Variants in ZNF761 observed in about 807,000 individuals in gnomAD.
ZNF761 encodes zinc finger protein 761.
ZNF761 carries 43 observed loss-of-function variants against 59.9 expected under a neutral mutation model. That is an observed-to-expected ratio of 0.72 (90% CI 0.56 to 0.92). ZNF761 has a LOEUF of 0.92. ZNF761 is among the 40% of genes least tolerant of loss of function. The pLI, the probability that ZNF761 is intolerant of heterozygous loss-of-function variation, is 0.00. For missense variants in ZNF761, 850 were observed against 906.1 expected (o/e 0.94, Z 0.79); for synonymous variants, 294 against 304.8 (o/e 0.96, Z 0.37).
chr19:53,448,775 A>ATTTTT (rs35551715), intron 3 of ZNF761, among the ~76,000 whole-genome samples: 5 of 125,090 alleles, frequency 4.0e-5, no homozygotes, highest in South Asian at 2.7e-4. Context: ...TGGCTAGCTA[A>ATTTTT]TTTTTTTTTT....
Position 53,447,264 on chromosome 19 carries a change from C to A in ZNF761, c.-5C>A. 1 of 1,613,026 alleles carries A rather than the reference C, an allele frequency of 6.2e-7. No individual in the cohort carries two copies. The highest frequency in any genetic ancestry group is 8.5e-7 in the Non-Finnish European group (1 of 1,179,572). On this transcript the variant is annotated 5_prime_UTR_variant, in exon 3 of 5. Transcript: ENST00000684525. ...AAGAGGAAGAGGAGAGCAAAGGAGT[C>A]AGGGATGGCTTTTTCTCAGGTGAGA...
intron 1 of ZNF761, chr19:53,444,186 A>C (rs770898664): frequency 2.6e-5 from 4 of 152,224 alleles, no homozygotes; most frequent in Non-Finnish European, 4.4e-5. Context: ...CCCCCAGCCC[A>C]ACACCCGTAA....
At chr19:53,448,203 A>G (rs1188967256) in intron 3 of ZNF761, among the ~76,000 whole-genome samples, 3 of 152,116 alleles carry the variant, frequency 2.0e-5, no homozygotes, top group Admixed American at 1.3e-4. Flanking sequence ...GGGTATCACC[A>G]TGTTGGCCAG....
At position 53,457,938 on chromosome 19, in the gene ZNF761, T is replaced by C. The variant is rs2086286108; in HGVS notation, c.*1190T>C. On this transcript the variant is annotated 3_prime_UTR_variant, in exon 5 of 5. Transcript: ENST00000684525. ...TCACAATATTAATTTTTCCAAGCTA[T>C]CAATATGGGTTGTAGCTCAATGTTT... 1 of 152,534 alleles carries C rather than the reference T, an allele frequency of 6.6e-6. No individual in the cohort carries two copies. The highest frequency in any genetic ancestry group is 1.5e-5 in the Non-Finnish European group (1 of 68,224). The allele number at this position is 152,534 out of a possible 1,614,324, so 9.4% of individuals were successfully genotyped here.
chr19:53,449,842 A>G (rs564605633), intron 4 of ZNF761: 10 of 1,253,246 alleles, frequency 8.0e-6, no homozygotes, highest in South Asian at 7.9e-5. Flanking sequence ...GCATGCCACC[A>G]TGTTTGGGCA....
In ZNF761 at chr19:53,457,943, A is replaced by G. The variant is rs1384440854; in HGVS notation, c.*1195A>G. The G allele has an allele frequency of 2.6e-5, 4 of 152,520 alleles. No individual in the cohort carries two copies. Among genetic ancestry groups the G allele is most frequent in the Non-Finnish European group, 2.9e-5 (2 of 68,222 alleles). The allele number at this position is 152,520 out of a possible 1,614,324, so 9.4% of individuals were successfully genotyped here. ...ATATTAATTTTTCCAAGCTATCAAT[A>G]TGGGTTGTAGCTCAATGTTTTTAAT... On this transcript the variant is annotated 3_prime_UTR_variant, in exon 5 of 5. Transcript: ENST00000684525.
Position 53,454,683 on chromosome 19 carries a change from T to G in ZNF761, c.176T>G (p.Leu59Trp), listed in dbSNP as rs201558114. Reference protein sequence around the residue: ...ISSKCTMKEFLSTAQGNREVF... With the variant: ...ISSKCTMKEFWSTAQGNREVF... Reference sequence around the variant, plus strand: ...TCCAAATGCACGATGAAGGAGTTCTTGTCAACAGCGCAAGGCAACAGAGAA... The same window carrying G: ...TCCAAATGCACGATGAAGGAGTTCTGGTCAACAGCGCAAGGCAACAGAGAA... Residue 59 changes from leucine to tryptophan, a missense_variant, in exon 5 of 5, where the codon TTG becomes TGG. Leu to Trp is a moderately conservative substitution (Grantham distance 61). Coordinates refer to ENST00000684525, the MANE Select transcript of ZNF761 (RefSeq NM_001289951.2). 1.9e-5 allele frequency: 31 copies of G among 1,605,672 alleles called. No individual in the cohort carries two copies. The highest frequency in any genetic ancestry group is 5.1e-5 in the Admixed American group (3 of 59,034).
Position 53,456,206 on chromosome 19 carries a change from C to T in ZNF761, c.1699C>T (p.Arg567Cys), listed in dbSNP as rs146971288. 2.8e-4 allele frequency: 445 copies of T among 1,606,960 alleles called. 2 individuals carry two copies. Among genetic ancestry groups the T allele is most frequent in the East Asian group, 7.2e-4 (32 of 44,346 alleles). ...KTFNQQLTLKRHRRLHSGENP... is the reference protein window; with the variant it reads ...KTFNQQLTLKCHRRLHSGENP... ...CTTCAATCAGCAGTTAACCCTTAAA[C>T]GCCATCGTAGACTTCATAGTGGAGA... is the stretch of plus-strand genomic sequence containing the variant. Residue 567 changes from arginine (R) to cysteine (C), a missense_variant, in exon 5 of 5, where the codon CGC becomes TGC. Transcript: ENST00000684525.
At chr19:53,451,189 C>A (rs1259527139) in intron 4 of ZNF761, among the ~76,000 whole-genome samples, 3 of 152,008 alleles carry the variant, frequency 2.0e-5, no homozygotes, top group Admixed American at 6.6e-5. Context: ...TTTATGTGTC[C>A]TTTTATTTGC....
At chr19:53,441,997 A>T (rs4803126) in intron 1 of ZNF761, 873,476 of 1,217,448 alleles carry the variant, frequency 0.72, 317,123 homozygotes, top group South Asian at 0.77. Flanking sequence ...GGGAACAGGC[A>T]GAGGCTGAAG....
chr19:53,450,678 C>T (rs369601194), intron 4 of ZNF761, among the ~76,000 whole-genome samples: 15 of 152,060 alleles, frequency 9.9e-5, no homozygotes, highest in African/African-American at 3.1e-4. Context: ...GATCTTGGCT[C>T]ACCGCAGCCA....
In ZNF761 at chr19:53,455,327, G is replaced by A. The variant is rs1231447551; in HGVS notation, c.820G>A (p.Glu274Lys). The change falls in exon 5 of 5, where the codon GAG becomes AAG. Residue 274 changes from glutamate (E) to lysine (K), a missense_variant. Glu to Lys is a moderately conservative substitution (Grantham distance 56). Coordinates refer to ENST00000684525, the MANE Select transcript of ZNF761 (RefSeq NM_001289951.2). ...TGGTGAGAATCCTTACAAGTGTAAT[G>A]AGTGTGGCAAGACCTTCAGTCAGAC... Reference protein sequence around the residue: ...HTGENPYKCNECGKTFSQTSS... With the variant: ...HTGENPYKCNKCGKTFSQTSS... 2 of 1,614,232 alleles carry A rather than the reference G, an allele frequency of 1.2e-6. No individual in the cohort carries two copies. Among genetic ancestry groups the A allele is most frequent in the Admixed American group, 3.3e-5 (2 of 60,032 alleles).
In ZNF761 at chr19:53,445,666, T is replaced by C. The variant is rs372046907; in HGVS notation, c.-184-561T>C. ...GCTGTAATTAGAATTTTAAATGGGA[T>C]GCAGTACCCCAAAAATAAAATTAAA... is the stretch of plus-strand genomic sequence containing the variant. On this transcript the variant is annotated intron_variant, in intron 1 of 4. Coordinates refer to ENST00000684525, the MANE Select transcript of ZNF761 (RefSeq NM_001289951.2). Among the ~76,000 whole-genome samples, 31 of 151,968 alleles carry C rather than the reference T, an allele frequency of 2.0e-4. No homozygotes were observed. In the East Asian group the frequency reaches 5.6e-3, roughly 27 times the overall value.
In ZNF761 at chr19:53,437,038, C is replaced by T. The variant is rs539755456; in HGVS notation, c.-185+5010C>T. 2.6e-5 allele frequency among the ~76,000 whole-genome samples: 4 copies of T among 152,242 alleles called. No homozygotes were observed. The South Asian group carries it at 8.3e-4, about 32-fold the overall frequency. On this transcript the variant is annotated intron_variant, in intron 1 of 4. Coordinates refer to ENST00000684525, the MANE Select transcript of ZNF761 (RefSeq NM_001289951.2). ...GCACATAGAAATGGCACTTTCGTGACCCAGCGCAGTGGCTCATGCCTGTAA... is the reference window on the plus strand; with the variant it reads ...GCACATAGAAATGGCACTTTCGTGATCCAGCGCAGTGGCTCATGCCTGTAA...
Position 53,454,948 on chromosome 19 carries a change from T to A in ZNF761, c.441T>A (p.His147Gln). The A allele has an allele frequency of 6.2e-7, 1 of 1,614,180 alleles. No individual in the cohort carries two copies. The highest frequency in any genetic ancestry group is 1.6e-4 in the Middle Eastern group (1 of 6,062). Residue 147 changes from histidine to glutamine, a missense_variant, in exon 5 of 5, where the codon CAT (histidine) becomes CAA (glutamine). His to Gln is a conservative substitution (Grantham distance 24, BLOSUM62 0). Transcript: ENST00000684525. ...AGCTTGGATCAAGCTTTCATTCGCATCTGCCTGAAATGCACATATTTCAGA... is the reference window on the plus strand; with the variant it reads ...AGCTTGGATCAAGCTTTCATTCGCAACTGCCTGAAATGCACATATTTCAGA... ...KDQLGSSFHS[H>Q]LPEMHIFQTE...
At position 53,454,996 on chromosome 19, in the gene ZNF761, A is replaced by G. The variant is rs1273808365; in HGVS notation, c.489A>G (p.Gln163=). ...AGACCGAAGAGAAAATTGATAATCA[A>G]GTTGTGAAGTCTGTCCACGATGCTT... The part of the protein sequence containing the change: ...IFQTEEKIDN[Q]VVKSVHDASL... Residue 163 remains glutamine (Q), a synonymous_variant, in exon 5 of 5, where the codon CAA becomes CAG. Coordinates refer to ENST00000684525, the MANE Select transcript of ZNF761 (RefSeq NM_001289951.2). 1 of 1,614,182 alleles carries G rather than the reference A, an allele frequency of 6.2e-7. No homozygotes were observed. Among genetic ancestry groups the G allele is most frequent in the Admixed American group, 1.7e-5 (1 of 60,022 alleles).
intron 1 of ZNF761, among the ~76,000 whole-genome samples, chr19:53,433,141 G>A (rs2147116987): frequency 6.6e-6 from 1 of 152,172 alleles, no homozygotes; most frequent in African/African-American, 2.4e-5. Context: ...ACTGATATGG[G>A]GGAGACAAAA....
chr19:53,432,391 A>G (rs1381761615), intron 1 of ZNF761, among the ~76,000 whole-genome samples: 1 of 152,074 alleles, frequency 6.6e-6, no homozygotes, highest in Non-Finnish European at 1.5e-5. Flanking sequence ...CAGTCCCGGA[A>G]AGGCCGCGTC....
chr19:53,456,236 C>T lies in ZNF761; in HGVS notation c.1729C>T (p.Pro577Ser). The change falls in exon 5 of 5, where the codon CCT becomes TCT. Residue 577 changes from proline (P) to serine (S), a missense_variant. Transcript: ENST00000684525. ...RHRRLHSGEN[P>S]YKCEDSDKAY... ...TCGTAGACTTCATAGTGGAGAGAACCCTTACAAATGTGAAGATAGTGACAA... is the reference window on the plus strand; with the variant it reads ...TCGTAGACTTCATAGTGGAGAGAACTCTTACAAATGTGAAGATAGTGACAA... The T allele has an allele frequency of 6.2e-7, 1 of 1,613,782 alleles. No individual in the cohort carries two copies. Among genetic ancestry groups the T allele is most frequent in the Non-Finnish European group, 8.5e-7 (1 of 1,179,942 alleles).
Sources: gnomAD v4.1 joint callset for allele counts (sites outside exome capture counted in the v4.1 genomes callset) on GRCh38, gnomAD v4.1.1 for gene constraint, MANE v1.5 for transcripts, NCBI Gene and HGNC (gene_info 2026-07-23, HGNC 2026-07-21) for gene names.